ASB18: variants seen among roughly 807,000 people sequenced by gnomAD.
The protein encoded by ASB18 is ankyrin repeat and SOCS box protein 18.
ASB18 carries 33 observed loss-of-function variants against 33.4 expected under a neutral mutation model. That is an observed-to-expected ratio of 0.99 (90% CI 0.75 to 1.32). The LOEUF (loss-of-function observed/expected upper bound fraction) is 1.32, where lower values mean the gene tolerates loss of function less well. Among genes scored for constraint, ASB18 ranks in the 40% most tolerant of loss-of-function variants. The pLI is 0.00. For missense variants in ASB18, 694 were observed against 655.5 expected, an observed-to-expected ratio of 1.06 and a Z score of -0.64; for synonymous variants, 295 against 307.6, an observed-to-expected ratio of 0.96 and a Z score of 0.43.
In ASB18 at chr2:236,226,708, T is replaced by C. The variant is rs2060541639; in HGVS notation, c.596+10981A>G. On this transcript the variant is annotated intron_variant, in intron 3 of 5. Transcript: ENST00000409749. This position sits in a 1 kb window ranked among gnomAD's most constrained non-coding sequence, Gnocchi z 4.8. ...TTGCAATGATTCACAGCATTTTGTG[T>C]TTATTTTGTGCTATGATTGGGTGCT... Among the ~76,000 whole-genome samples, 1 of 152,232 alleles carries C rather than the reference T, an allele frequency of 6.6e-6. No homozygotes were observed. Among genetic ancestry groups the C allele is most frequent in the African/African-American group, 2.4e-5 (1 of 41,468 alleles).
In ASB18 at chr2:236,237,464, T is replaced by A. The variant is rs2060599759; in HGVS notation, c.596+225A>T. Among the ~76,000 whole-genome samples the A allele has an allele frequency of 6.9e-6, 1 of 144,690 alleles. No individual in the cohort carries two copies. The highest frequency in any genetic ancestry group is 2.5e-5 in the African/African-American group (1 of 39,434). The allele number at this position is 144,690 out of a possible 152,430, so 94.9% of individuals were successfully genotyped here. On this transcript the variant is annotated intron_variant, in intron 3 of 5. Transcript: ENST00000409749. The surrounding 1 kb of genome is among the most constrained non-coding windows in gnomAD (Gnocchi z 6.2). ...GGGCCGGGAGGTGCCAGGTCTGGGG[T>A]CCCGGGTCAGGGATCTTGGATCTGG... is the stretch of plus-strand genomic sequence containing the variant.
intron 3 of ASB18, among the ~76,000 whole-genome samples, chr2:236,224,147 A>G (rs1402186862): frequency 1.6e-5 from 2 of 127,618 alleles, no homozygotes; most frequent in African/African-American, 5.9e-5. Flanking sequence ...TGAAAGTTCT[A>G]GTTGCTCCCT....
rs1252098256 is a variant in ASB18, at chr2:236,195,063, A to G, written c.1216-6T>C. On this transcript the variant is annotated splice_region_variant and splice_polypyrimidine_tract_variant and intron_variant, in intron 5 of 5. Coordinates refer to ENST00000409749, the MANE Select transcript of ASB18 (RefSeq NM_212556.4). This position sits in a 1 kb window ranked among gnomAD's most constrained non-coding sequence, Gnocchi z 5.5. Reference sequence around the variant, plus strand: ...TGGTAGAACGGCTTGTGCATCTGGAAGGGAAGGCAGGTGGATTAGAAATCT... The same window carrying G: ...TGGTAGAACGGCTTGTGCATCTGGAGGGGAAGGCAGGTGGATTAGAAATCT... The G allele has an allele frequency of 6.2e-7, 1 of 1,604,386 alleles. No homozygotes were observed. The highest frequency in any genetic ancestry group is 8.5e-7 in the Non-Finnish European group (1 of 1,173,886).
rs1189881167 is a variant in ASB18 at position 236,222,721 on chromosome 2, G to A, written c.597-7855C>T. Among the ~76,000 whole-genome samples, 2 of 152,144 alleles carry A rather than the reference G, an allele frequency of 1.3e-5. No homozygotes were observed. The highest frequency in any genetic ancestry group is 2.9e-5 in the Non-Finnish European group (2 of 68,026). On this transcript the variant is annotated intron_variant, in intron 3 of 5. Coordinates refer to ENST00000409749, the MANE Select transcript of ASB18 (RefSeq NM_212556.4). This position sits in a 1 kb window ranked among gnomAD's most constrained non-coding sequence, Gnocchi z 5.5. ...TAGCGAGTTCATGGGTGATCTGGCT[G>A]TTTAAAAGCATGTGGCAGCCAGGTG...
At position 236,211,408 on chromosome 2, in the gene ASB18, T is replaced by C. The variant is rs1282201251; in HGVS notation, c.1101+2954A>G. Among the ~76,000 whole-genome samples, 1 of 152,256 alleles carries C rather than the reference T, an allele frequency of 6.6e-6. No homozygotes were observed. The highest frequency in any genetic ancestry group is 1.5e-5 in the Non-Finnish European group (1 of 68,050). ...ACTGCGCCGGCTCGGAAGGATGCCC[T>C]GTGTCCGCCTGCCGCGACGATGGTG... is the stretch of plus-strand genomic sequence containing the variant. On this transcript the variant is annotated intron_variant, in intron 4 of 5. Transcript: ENST00000409749. The surrounding 1 kb of genome is among the most constrained non-coding windows in gnomAD (Gnocchi z 5.0).
Position 236,244,293 on chromosome 2 carries a change from G to A in ASB18, c.206-2891C>T, listed in dbSNP as rs1347412955. Among the ~76,000 whole-genome samples the A allele has an allele frequency of 6.6e-6, 1 of 152,214 alleles. No homozygotes were observed. Among genetic ancestry groups the A allele is most frequent in the Non-Finnish European group, 1.5e-5 (1 of 68,044 alleles). On this transcript the variant is annotated intron_variant, in intron 1 of 5. Transcript: ENST00000409749. This position sits in a 1 kb window ranked among gnomAD's most constrained non-coding sequence, Gnocchi z 6.1. The stretch of plus-strand genomic sequence containing the variant: ...GAAAGGGTCAGGAGGGCTTTGCCTG[G>A]ATGAGCAGAGAGAAGAGCAGTGCAG...
intron 1 of ASB18, among the ~76,000 whole-genome samples, chr2:236,254,384 G>A (rs1052472198): frequency 4.0e-5 from 6 of 151,678 alleles, no homozygotes; most frequent in Non-Finnish European, 2.9e-5. Flanking sequence ...TCAACAACAG[G>A]AATTGAGCAC....
chr2:236,230,264 T>G (rs2060558244), intron 3 of ASB18, among the ~76,000 whole-genome samples: 2 of 151,474 alleles, frequency 1.3e-5, no homozygotes, highest in South Asian at 4.2e-4. Flanking sequence ...CAAAAATACC[T>G]TTCAAATACT....
rs928536542 is a variant in ASB18, at chr2:236,250,491, G to T, written c.206-9089C>A. 6.6e-6 allele frequency: 1 copy of T among 152,212 alleles called. No individual in the cohort carries two copies. 9.4% of individuals were successfully genotyped at this position (152,212 alleles called of 1,614,324 possible). A position where few individuals can be genotyped will look rare whatever the true frequency, so the allele number is the denominator to read the frequency against. On this transcript the variant is annotated intron_variant, in intron 1 of 5. Transcript: ENST00000409749. This position sits in a 1 kb window ranked among gnomAD's most constrained non-coding sequence, Gnocchi z 4.1. Reference sequence around the variant, plus strand: ...ACTCTTGTGGACATTGTGAAATTCCGTGCATTCTTTCTTAAATATGCCAGC... The same window carrying T: ...ACTCTTGTGGACATTGTGAAATTCCTTGCATTCTTTCTTAAATATGCCAGC...
Position 236,262,817 on chromosome 2 carries a change from G to T in ASB18, c.205+1324C>A, listed in dbSNP as rs181952252. ...CAAGGTGAAGAGGAAGCAAGAGAAG[G>T]TTCCTCCCTAAAGCGACTTGCTTAA... On this transcript the variant is annotated intron_variant, in intron 1 of 5. Coordinates refer to ENST00000409749, the MANE Select transcript of ASB18 (RefSeq NM_212556.4). The surrounding 1 kb of genome is among the most constrained non-coding windows in gnomAD (Gnocchi z 5.2). 3.6e-4 allele frequency among the ~76,000 whole-genome samples: 55 copies of T among 152,278 alleles called. No homozygotes were observed. The highest frequency in any genetic ancestry group is 1.3e-3 in the African/African-American group (54 of 41,560).
At position 236,213,513 on chromosome 2, in the gene ASB18, G is replaced by A. The variant is rs907292761; in HGVS notation, c.1101+849C>T. On this transcript the variant is annotated intron_variant, in intron 4 of 5. Coordinates refer to ENST00000409749, the MANE Select transcript of ASB18 (RefSeq NM_212556.4). The surrounding 1 kb of genome is among the most constrained non-coding windows in gnomAD (Gnocchi z 4.8). Reference sequence around the variant, plus strand: ...GATAATTTTTAAATTAAACACACCCGGATTTTACATCTAATGGAATGACTT... The same window carrying A: ...GATAATTTTTAAATTAAACACACCCAGATTTTACATCTAATGGAATGACTT... The A allele has an allele frequency of 2.6e-5, 4 of 152,084 alleles. No individual in the cohort carries two copies. The highest frequency in any genetic ancestry group is 2.6e-4 in the Admixed American group (4 of 15,264). The allele number at this position is 152,084 out of a possible 1,614,324, so 9.4% of individuals were successfully genotyped here.
At chr2:236,243,329 C>CA (rs34711903) in intron 1 of ASB18, among the ~76,000 whole-genome samples, 48,664 of 108,750 alleles carry the variant, frequency 0.45, 10,153 homozygotes, top group African/African-American at 0.56. Flanking sequence ...GACTCCATCT[C>CA]AAAAAAAAAA....
Position 236,202,519 on chromosome 2 carries a change from T to TA in ASB18, c.1102-6135dup, listed in dbSNP as rs199936863. Among the ~76,000 whole-genome samples, 229 of 150,962 alleles carry TA rather than the reference T, an allele frequency of 1.5e-3. 1 individual carries two copies. Among genetic ancestry groups the TA allele is most frequent in the South Asian group, 2.9e-3 (14 of 4,778 alleles). ...AAAATGCTATTAGTTACCTTCAAAA[T>TA]AAAAAAAAATATCAACCTAGGCCTC... is the stretch of plus-strand genomic sequence containing the variant. On this transcript the variant is annotated intron_variant, in intron 4 of 5. Transcript: ENST00000409749.
chr2:236,214,542 G>T lies in ASB18; in HGVS notation c.921C>A (p.Ser307Arg). 2 of 1,408,678 alleles carry T rather than the reference G, an allele frequency of 1.4e-6. No homozygotes were observed. Among genetic ancestry groups the T allele is most frequent in the East Asian group, 3.0e-5 (1 of 33,450 alleles). The allele number at this position is 1,408,678 out of a possible 1,614,324, so 87.3% of individuals were successfully genotyped here. Residue 307 changes from serine to arginine, a missense_variant, in exon 4 of 6, where the codon AGC becomes AGA. Physicochemically the swap from Ser to Arg is moderately radical, Grantham distance 110 (BLOSUM62 -1). Coordinates refer to ENST00000409749, the MANE Select transcript of ASB18 (RefSeq NM_212556.4). This position sits in a 1 kb window ranked among gnomAD's most constrained non-coding sequence, Gnocchi z 6.5. ...CGTGCCGCAGTAGGAGGCGCGCCAG[G>T]CTGTGGCTCGCGTGGCCGCAGGCTT... ...LHKACGHASH[S>R]LARLLLRHGA...
At position 236,253,544 on chromosome 2, in the gene ASB18, A is replaced by C. The variant is rs1456078561; in HGVS notation, c.205+10597T>G. On this transcript the variant is annotated intron_variant, in intron 1 of 5. Transcript: ENST00000409749. The surrounding 1 kb of genome is among the most constrained non-coding windows in gnomAD (Gnocchi z 5.4). ...GCCACTTGCTGGTTAACTTATTATT[A>C]TTATTATTATTATTATTATTGTGGT... 2.0e-5 allele frequency among the ~76,000 whole-genome samples: 3 copies of C among 150,838 alleles called. No individual in the cohort carries two copies. Among genetic ancestry groups the C allele is most frequent in the South Asian group, 4.2e-4 (2 of 4,734 alleles).
In ASB18 at chr2:236,194,973, T is replaced by C. The variant is rs200571734; in HGVS notation, c.1300A>G (p.Arg434Gly). 1.2e-4 allele frequency: 189 copies of C among 1,613,934 alleles called. No individual in the cohort carries two copies. Among genetic ancestry groups the C allele is most frequent in the African/African-American group, 9.6e-4 (72 of 75,054 alleles). ...TCAAAGCACCTTTTGCCAAACAGTC[T>C]GCGAAGAGCACAGCGGCAAAGATGC... ...LQHLCRCALRRLFGKRCFDLI... is the reference protein window; with the variant it reads ...LQHLCRCALRGLFGKRCFDLI... The change falls in exon 6 of 6, where the codon AGA becomes GGA. Residue 434 changes from arginine to glycine, a missense_variant. Transcript: ENST00000409749. This position sits in a 1 kb window ranked among gnomAD's most constrained non-coding sequence, Gnocchi z 4.5.
Position 236,193,709 on chromosome 2 carries a change from T to C in ASB18, c.*1163A>G, listed in dbSNP as rs969979638. On this transcript the variant is annotated 3_prime_UTR_variant, in exon 6 of 6. Coordinates refer to ENST00000409749, the MANE Select transcript of ASB18 (RefSeq NM_212556.4). The surrounding 1 kb of genome is among the most constrained non-coding windows in gnomAD (Gnocchi z 5.0). ...TACCAGGAAGGCTGAAGCAGGAGAATTGCTTGAACCTGGGAGGCGGAGGTT... is the reference window on the plus strand; with the variant it reads ...TACCAGGAAGGCTGAAGCAGGAGAACTGCTTGAACCTGGGAGGCGGAGGTT... Among the ~76,000 whole-genome samples the C allele has an allele frequency of 9.9e-5, 15 of 152,146 alleles. No individual in the cohort carries two copies. Among genetic ancestry groups the C allele is most frequent in the African/African-American group, 2.9e-4 (12 of 41,434 alleles).
chr2:236,196,104 G>A lies in ASB18; in HGVS notation c.1215+168C>T, dbSNP rs2060371160. 1.5e-6 allele frequency: 1 copy of A among 654,956 alleles called. No homozygotes were observed. The allele number at this position is 654,956 out of a possible 1,614,324, so 40.6% of individuals were successfully genotyped here. ...AACAAGCTCCTGGCTGTGTGATTAT[G>A]GAGCCTCCAGAAAAAACCAGAAACG... On this transcript the variant is annotated intron_variant, in intron 5 of 5. Transcript: ENST00000409749. The surrounding 1 kb of genome is among the most constrained non-coding windows in gnomAD (Gnocchi z 5.6).
chr2:236,214,564 G>A lies in ASB18; in HGVS notation c.899C>T (p.Ala300Val). Residue 300 changes from alanine (A) to valine (V), a missense_variant, in exon 4 of 6, where the codon GCC becomes GTC. Ala to Val is a moderately conservative substitution (Grantham distance 64). Transcript: ENST00000409749. The surrounding 1 kb of genome is among the most constrained non-coding windows in gnomAD (Gnocchi z 6.5). ...CAGGCTGTGGCTCGCGTGGCCGCAG[G>A]CTTTGTGCAGCGGGCTGCGCTCGTC... ...DEDERSPLHK[A>V]CGHASHSLAR... The A allele has an allele frequency of 7.2e-7, 1 of 1,383,288 alleles. No homozygotes were observed. Among genetic ancestry groups the A allele is most frequent in the Non-Finnish European group, 9.3e-7 (1 of 1,080,740 alleles). The allele number at this position is 1,383,288 out of a possible 1,614,324, so 85.7% of individuals were successfully genotyped here.
Sources: gnomAD v4.1 joint callset for allele counts (sites outside exome capture counted in the v4.1 genomes callset) on GRCh38, gnomAD v4.1.1 for gene constraint, Gnocchi (gnomAD v3.1) non-coding constraint, MANE v1.5 for transcripts, NCBI Gene and HGNC (gene_info 2026-07-23, HGNC 2026-07-21) for gene names.